PRICKLE2: variants seen among roughly 807,000 people sequenced by gnomAD.
PRICKLE2 encodes the protein prickle planar cell polarity protein 2.
PRICKLE2 carries 21 observed loss-of-function variants against 81.4 expected under a neutral mutation model. That is an observed-to-expected ratio of 0.26 (90% confidence interval 0.18 to 0.37). The LOEUF (loss-of-function observed/expected upper bound fraction) is 0.37. Ranked by LOEUF, PRICKLE2 falls within the 10% of genes least tolerant of loss-of-function variation. PRICKLE2 has a pLI of 1.00. For synonymous variants in PRICKLE2, 456 were observed against 421.5 expected (o/e 1.08, Z -1.00); for missense variants, 940 against 1,109.0 (o/e 0.85, Z 2.16).
intron 7 of PRICKLE2, among the ~76,000 whole-genome samples, chr3:64,105,362 A>C (rs1343608832): frequency 1.3e-5 from 2 of 151,798 alleles, no homozygotes; most frequent in Non-Finnish European, 2.9e-5. Flanking sequence ...TCTTCTCCCT[A>C]CTCTTCACTG....
At chr3:64,213,648 AG>A (rs1011077088) in intron 1 of PRICKLE2, among the ~76,000 whole-genome samples, 1 of 152,162 alleles carries the variant, frequency 6.6e-6, no homozygotes, top group African/African-American at 2.4e-5. Flanking sequence ...CCCTGAGCCC[AG>A]GGGCATAAGG....
At chr3:64,100,321 T>C (rs1213368770) in intron 7 of PRICKLE2, 1 of 188,500 alleles carries the variant, frequency 5.3e-6, no homozygotes. Context: ...ATATTTTGGA[T>C]GAGCAAACTT....
intron 1 of PRICKLE2, among the ~76,000 whole-genome samples, chr3:64,211,745 C>G (rs1575672172): frequency 6.6e-6 from 1 of 152,284 alleles, no homozygotes; most frequent in Non-Finnish European, 1.5e-5. Flanking sequence ...GTTAGGCCAT[C>G]ATTAATGTGT....
chr3:64,220,692 G>A (rs764783698), intron 1 of PRICKLE2, among the ~76,000 whole-genome samples: 10 of 152,116 alleles, frequency 6.6e-5, no homozygotes, highest in Non-Finnish European at 7.4e-5. Flanking sequence ...TTTGTCAAAC[G>A]AGGCCAGCCC....
intron 2 of PRICKLE2, among the ~76,000 whole-genome samples, chr3:64,264,648 G>C (rs1305903684): frequency 6.6e-6 from 1 of 152,162 alleles, no homozygotes; most frequent in East Asian, 1.9e-4. Flanking sequence ...CCTGAACAGA[G>C]CCTCAATCAT....
chr3:64,156,285 C>T (rs1016395701), intron 5 of PRICKLE2, among the ~76,000 whole-genome samples: 4 of 152,110 alleles, frequency 2.6e-5, no homozygotes, highest in Non-Finnish European at 4.4e-5. Flanking sequence ...GTGAGTCCCT[C>T]GTAGGTAGTT....
At chr3:64,109,158 G>C (rs2076803254) in intron 7 of PRICKLE2, among the ~76,000 whole-genome samples, 1 of 152,086 alleles carries the variant, frequency 6.6e-6, no homozygotes, top group South Asian at 2.1e-4. Context: ...CGTCACGATG[G>C]GGGTTGCCGC....
At chr3:64,205,937 C>T (rs17070134) in intron 1 of PRICKLE2, among the ~76,000 whole-genome samples, 3,306 of 152,212 alleles carry the variant, frequency 0.022, 118 homozygotes, top group African/African-American at 0.075. Context: ...AGGCTAAAAA[C>T]CACCATATTT....
chr3:64,163,258 C>A, intron 2 of PRICKLE2, 129 bp from the exon 3 acceptor site: 1 of 740,706 alleles, frequency 1.4e-6, no homozygotes, highest in South Asian at 1.4e-5. Context: ...TTATGAAAGT[C>A]AACAGCAGAT....
intron 2 of PRICKLE2, among the ~76,000 whole-genome samples, chr3:64,260,879 G>A (rs2079606421): frequency 6.6e-6 from 1 of 152,202 alleles, no homozygotes; most frequent in Admixed American, 6.5e-5. Context: ...TGCTTTCTGA[G>A]TTCCAAAGCC....
intron 5 of PRICKLE2, chr3:64,153,657 A>C (rs545496813): frequency 1.1e-4 from 43 of 394,784 alleles, no homozygotes; most frequent in South Asian, 1.1e-3. Context: ...GGCAGGATCA[A>C]AAACTGACAG....
intron 6 of PRICKLE2, among the ~76,000 whole-genome samples, chr3:64,152,649 C>T (rs1383597571): frequency 2.0e-5 from 3 of 151,794 alleles, no homozygotes; most frequent in African/African-American, 7.3e-5. Flanking sequence ...CTCTGCAAAT[C>T]CCCAACTTGT....
intron 1 of PRICKLE2, among the ~76,000 whole-genome samples, chr3:64,220,278 G>GGCTACCCT (rs1339462658): frequency 6.6e-6 from 1 of 152,172 alleles, no homozygotes; most frequent in African/African-American, 2.4e-5. Flanking sequence ...TTTCTGCCCT[G>GGCTACCCT]GCTACCCTTA....
intron 2 of PRICKLE2, among the ~76,000 whole-genome samples, chr3:64,167,883 C>T (rs2077861763): frequency 6.6e-6 from 1 of 152,204 alleles, no homozygotes; most frequent in Non-Finnish European, 1.5e-5. Flanking sequence ...TCTTCAGGTC[C>T]TGCTGTTAGT....
At chr3:64,262,452 A>G (rs1013169126) in intron 2 of PRICKLE2, among the ~76,000 whole-genome samples, 1 of 152,114 alleles carries the variant, frequency 6.6e-6, no homozygotes, top group African/African-American at 2.4e-5. Context: ...AGATGCTGAG[A>G]AGAGATGTGT....
chr3:64,158,762 A>C (rs953211786), intron 4 of PRICKLE2, among the ~76,000 whole-genome samples: 1 of 152,152 alleles, frequency 6.6e-6, no homozygotes, highest in Non-Finnish European at 1.5e-5. Context: ...GATATACTTC[A>C]TAAGAATAAA....
At chr3:64,125,345 A>G (rs1161078008) in intron 7 of PRICKLE2, among the ~76,000 whole-genome samples, 2 of 152,236 alleles carry the variant, frequency 1.3e-5, no homozygotes, top group African/African-American at 4.8e-5. Flanking sequence ...CTAGTGGATA[A>G]AGCAGTGGCA....
chr3:64,118,864 A>ACCCATTACTGGG (rs1379781626), intron 7 of PRICKLE2, among the ~76,000 whole-genome samples: 2 of 3,114 alleles, frequency 6.4e-4, no homozygotes, highest in Non-Finnish European at 1.1e-3. Context: ...AACCCAGCAA[A>ACCCATTACTGGG]TAAATATTAT....
intron 1 of PRICKLE2, among the ~76,000 whole-genome samples, chr3:64,205,542 G>C (rs1014284602): frequency 6.6e-6 from 1 of 152,086 alleles, no homozygotes; most frequent in Non-Finnish European, 1.5e-5. Context: ...ATTTTGACAG[G>C]TTATTTACAA....
Sources: allele counts gnomAD v4.1 joint callset (sites outside exome capture counted in the v4.1 genomes callset), GRCh38; gene constraint gnomAD v4.1.1; transcripts MANE v1.5; gene names NCBI Gene and HGNC (gene_info 2026-07-23, HGNC 2026-07-21).